MAP3K19: variants seen among roughly 807,000 people sequenced by gnomAD.
The protein encoded by MAP3K19 is SPS1/STE20-related protein kinase YSK4.
Under a neutral mutation model 114.4 loss-of-function variants are expected in MAP3K19, and 91 were observed. The observed-to-expected ratio is 0.80, with a 90% CI of 0.67 to 0.95. The LOEUF (loss-of-function observed/expected upper bound fraction) is 0.95, where lower values mean the gene tolerates loss of function less well. MAP3K19 is among the 40% of genes least tolerant of loss of function. The probability of loss-of-function intolerance (pLI) is 0.00; values close to 1 mark genes in which losing one functional copy is unlikely to be tolerated. For missense variants in MAP3K19, 1,471 were observed against 1,573.2 expected (o/e 0.94, Z 1.10); for synonymous variants, 518 against 530.5 (o/e 0.98, Z 0.32).
chr2:135,030,056 T>C (rs777022875), intron 3 of MAP3K19, among the ~76,000 whole-genome samples: 2 of 152,146 alleles, frequency 1.3e-5, no homozygotes, highest in South Asian at 4.1e-4. Context: ...GAGCAAATCA[T>C]TTCCCAGGGG....
At chr2:135,038,798 C>T (rs1688585608) in intron 2 of MAP3K19, among the ~76,000 whole-genome samples, 1 of 151,748 alleles carries the variant, frequency 6.6e-6, no homozygotes, top group Non-Finnish European at 1.5e-5. Context: ...GCAGAGGTTG[C>T]TGTGAGCCGA....
At position 134,964,758 on chromosome 2, in the gene MAP3K19, A is replaced by G. The variant is rs16831215; in HGVS notation, c.*92T>C. 6,828 of 1,039,640 alleles carry G rather than the reference A, an allele frequency of 6.6e-3. 212 individuals are homozygous for G. In the African/African-American group the frequency reaches 0.076, roughly 12 times the overall value. 64.4% of individuals were successfully genotyped at this position (1,039,640 alleles called of 1,614,324 possible). A position where few individuals can be genotyped will look rare whatever the true frequency, so the allele number is the denominator to read the frequency against. The stretch of plus-strand genomic sequence containing the variant: ...TTAAACTGGGTTAGACTGAATTTTC[A>G]GTGGGGAAACAAAGATCCCTTAGCC... On this transcript the variant is annotated 3_prime_UTR_variant, in exon 13 of 13. Coordinates refer to ENST00000392915, the MANE Select transcript of MAP3K19 (RefSeq NM_025052.5).
At position 135,010,408 on chromosome 2, in the gene MAP3K19, G is replaced by A. The variant is rs374679276; in HGVS notation, c.139-4877C>T. Among the ~76,000 whole-genome samples, 33 of 152,294 alleles carry A rather than the reference G, an allele frequency of 2.2e-4. No individual in the cohort carries two copies. In the South Asian group the frequency reaches 5.8e-3, roughly 27 times the overall value. ...TTTAAGATGTGCTTGGGTGCCACAA[G>A]GAGGAGAATTGAAATAGTGTCATCT... On this transcript the variant is annotated intron_variant, in intron 5 of 12. Coordinates refer to ENST00000392915, the MANE Select transcript of MAP3K19 (RefSeq NM_025052.5).
chr2:135,036,576 C>T (rs1486661906), intron 2 of MAP3K19, among the ~76,000 whole-genome samples: 3 of 151,072 alleles, frequency 2.0e-5, no homozygotes, highest in Admixed American at 1.3e-4. Flanking sequence ...TAATTTTGGA[C>T]ATGTTATGTT....
At chr2:135,018,954 G>A (rs1687780543) in intron 5 of MAP3K19, among the ~76,000 whole-genome samples, 1 of 151,982 alleles carries the variant, frequency 6.6e-6, no homozygotes, top group African/African-American at 2.4e-5. Flanking sequence ...GCGTGGTGGT[G>A]GGCACCTTTA....
chr2:135,041,541 C>T (rs906719797), intron 1 of MAP3K19, among the ~76,000 whole-genome samples: 2 of 151,988 alleles, frequency 1.3e-5, no homozygotes, highest in African/African-American at 4.8e-5. Flanking sequence ...GTTGGCCAGG[C>T]TGGTCTCGAA....
chr2:135,042,660 C>T (rs1688670247), intron 1 of MAP3K19, among the ~76,000 whole-genome samples: 1 of 152,050 alleles, frequency 6.6e-6, no homozygotes, highest in Non-Finnish European at 1.5e-5. Context: ...GAGAGTAAAA[C>T]CAGATGGGAA....
chr2:134,969,175 C>A (rs556048051), intron 12 of MAP3K19, among the ~76,000 whole-genome samples: 45 of 138,420 alleles, frequency 3.3e-4, no homozygotes, highest in African/African-American at 1.0e-3. Flanking sequence ...CAGCGAAACC[C>A]CGTCTCCACC....
intron 4 of MAP3K19, among the ~76,000 whole-genome samples, chr2:135,022,676 T>C (rs1459667634): frequency 6.6e-6 from 1 of 152,150 alleles, no homozygotes; most frequent in African/African-American, 2.4e-5. Context: ...ATCCTATAAT[T>C]TAAAAAATTT....
chr2:135,018,810 C>T (rs1383234473), intron 5 of MAP3K19, among the ~76,000 whole-genome samples: 1 of 152,084 alleles, frequency 6.6e-6, no homozygotes, highest in East Asian at 1.9e-4. Context: ...TTCCGCTGGG[C>T]GTGGCGGCTC....
intron 12 of MAP3K19, among the ~76,000 whole-genome samples, chr2:134,967,367 G>A (rs1211514467): frequency 6.6e-6 from 1 of 152,220 alleles, no homozygotes; most frequent in Non-Finnish European, 1.5e-5. Flanking sequence ...AGGTGGATTA[G>A]TCAAAGAGGA....
At position 134,998,871 on chromosome 2, in the gene MAP3K19, T is replaced by C; in HGVS notation, c.441A>G (p.Glu147=). 6.2e-7 allele frequency: 1 copy of C among 1,614,188 alleles called. No homozygotes were observed. Among genetic ancestry groups the C allele is most frequent in the Non-Finnish European group, 8.5e-7 (1 of 1,180,026 alleles). The stretch of plus-strand genomic sequence containing the variant: ...TCACATTGCAGAGCTCCCTGGAACT[T>C]TCCTCTTTTTGCAAAACTAAGGGCC... ...TMRPLVLQKE[E]SSRELCNVNL... Residue 147 remains glutamate (E), a synonymous_variant, in exon 8 of 13, where the codon GAA becomes GAG. Coordinates refer to ENST00000392915, the MANE Select transcript of MAP3K19 (RefSeq NM_025052.5).
chr2:135,030,669 G>T (rs1216720634), intron 2 of MAP3K19, among the ~76,000 whole-genome samples, 169 bp from the exon 3 acceptor site: 1 of 152,138 alleles, frequency 6.6e-6, no homozygotes, highest in East Asian at 1.9e-4. Context: ...ATGATTTTTG[G>T]ATAGTCTTTT....
chr2:134,990,697 G>A (rs993756383), intron 9 of MAP3K19, among the ~76,000 whole-genome samples: 11 of 151,944 alleles, frequency 7.2e-5, no homozygotes, highest in African/African-American at 2.2e-4. Context: ...GGATGGTTTC[G>A]ATCTCTTATC....
chr2:135,028,557 C>CA (rs60216707), intron 3 of MAP3K19, among the ~76,000 whole-genome samples: 2,757 of 106,880 alleles, frequency 0.026, 76 homozygotes, highest in African/African-American at 0.07. Context: ...GACTCTGTCT[C>CA]AAAAAAAAAA....
chr2:135,013,224 G>T (rs2105341403), intron 5 of MAP3K19, among the ~76,000 whole-genome samples: 1 of 151,906 alleles, frequency 6.6e-6, no homozygotes, highest in South Asian at 2.1e-4. Context: ...GGAAGCTGAG[G>T]CAGAAGAATC....
At chr2:135,004,866 A>C (rs1215558048) in intron 6 of MAP3K19, among the ~76,000 whole-genome samples, 1 of 152,198 alleles carries the variant, frequency 6.6e-6, no homozygotes, top group African/African-American at 2.4e-5. Context: ...GCTCATGGAG[A>C]CACGTGTGGT....
chr2:135,027,616 A>C (rs1038492726), intron 3 of MAP3K19, among the ~76,000 whole-genome samples: 2 of 152,200 alleles, frequency 1.3e-5, no homozygotes, highest in African/African-American at 2.4e-5. Context: ...ACAGGTCCAC[A>C]TCTCTCACAG....
chr2:134,968,651 A>G (rs1359397984), intron 12 of MAP3K19, among the ~76,000 whole-genome samples: 4 of 130,630 alleles, frequency 3.1e-5, no homozygotes, highest in African/African-American at 1.2e-4. Flanking sequence ...CCGGGCAGAG[A>G]CGCTCCTCAC....
Sources: gnomAD v4.1 joint callset for allele counts (sites outside exome capture counted in the v4.1 genomes callset) on GRCh38, gnomAD v4.1.1 for gene constraint, MANE v1.5 for transcripts, NCBI Gene and HGNC (gene_info 2026-07-23, HGNC 2026-07-21) for gene names.